The following CDC42SE2 variants were observed in gnomAD, a reference collection of about 807,000 sequenced individuals.
CDC42SE2 encodes CDC42 small effector 2.
CDC42SE2 carries 3 observed loss-of-function variants against 11.5 expected under a neutral mutation model. The observed-to-expected ratio is 0.26, with a 90% CI of 0.12 to 0.67. The LOEUF (loss-of-function observed/expected upper bound fraction) is 0.67, where lower values mean the gene tolerates loss of function less well. Ranked by LOEUF, CDC42SE2 falls within the 30% of genes least tolerant of loss-of-function variation. The pLI is 0.80. For missense variants in CDC42SE2, 82 were observed against 106.8 expected (o/e 0.77, Z 1.02); for synonymous variants, 33 against 34.8 (o/e 0.95, Z 0.18).
In CDC42SE2 at chr5:131,248,328, C is replaced by G. The variant is rs530252440; in HGVS notation, n.107+2729C>G. Among the ~76,000 whole-genome samples, 264 of 151,964 alleles carry G rather than the reference C, an allele frequency of 1.7e-3. 2 individuals are homozygous for G. Among genetic ancestry groups the G allele is most frequent in the Middle Eastern group, 6.8e-3 (2 of 294 alleles). On this transcript the variant is annotated intron_variant and non_coding_transcript_variant, in intron 1 of 3. Transcript: ENST00000502840. ...CTAATTTTTGTATTTTTAGTAGAGA[C>G]GGGGTTTCACCGTGTTGGTCAGGCT...
intron 1 of CDC42SE2, among the ~76,000 whole-genome samples, chr5:131,312,673 A>C (rs886626897): frequency 2.6e-5 from 4 of 152,084 alleles, no homozygotes; most frequent in Admixed American, 2.0e-4. Flanking sequence ...TCGGAAAAGC[A>C]CAGTATTTGG....
chr5:131,297,516 G>C (rs967971839), intron 1 of CDC42SE2, among the ~76,000 whole-genome samples: 1 of 151,890 alleles, frequency 6.6e-6, no homozygotes, highest in East Asian at 1.9e-4. Context: ...TCAGGAGATC[G>C]AGACCATCCT....
chr5:131,346,889 G>A (rs1758859125), intron 2 of CDC42SE2, among the ~76,000 whole-genome samples: 1 of 146,000 alleles, frequency 6.8e-6, no homozygotes, highest in Non-Finnish European at 1.5e-5. Flanking sequence ...TGAACAACCT[G>A]CTCCTGAATG....
At chr5:131,251,168 T>C (rs539776061) in intron 1 of CDC42SE2, among the ~76,000 whole-genome samples, 2 of 152,368 alleles carry the variant, frequency 1.3e-5, no homozygotes, top group African/African-American at 4.8e-5. Context: ...TTTGTGTATC[T>C]GTTTTATTCA....
At position 131,269,007 on chromosome 5, in the gene CDC42SE2, C is replaced by A. The variant is rs7717085; in HGVS notation, c.-455+4841C>A. On this transcript the variant is annotated intron_variant, in intron 1 of 4. Coordinates refer to ENST00000505065, the MANE Select transcript of CDC42SE2 (RefSeq NM_001375635.1). ...CTCGTGATCCGCCCACCTTGGCCTT[C>A]CAAAGTGCTGGTATTACAAGCGTGA... Among the ~76,000 whole-genome samples the A allele has an allele frequency of 4.9e-3, 740 of 152,220 alleles. 4 individuals are homozygous for A. Among genetic ancestry groups the A allele is most frequent in the African/African-American group, 0.016 (678 of 41,524 alleles).
At chr5:131,358,175 C>T (rs923184045) in intron 2 of CDC42SE2, among the ~76,000 whole-genome samples, 1 of 152,166 alleles carries the variant, frequency 6.6e-6, no homozygotes, top group African/African-American at 2.4e-5. Flanking sequence ...CAAAACTTCT[C>T]CTTGGCTTCA....
intron 2 of CDC42SE2, among the ~76,000 whole-genome samples, chr5:131,319,203 A>G (rs1758110011): frequency 6.6e-6 from 1 of 152,002 alleles, no homozygotes; most frequent in African/African-American, 2.4e-5. Flanking sequence ...GGTAGGAGAA[A>G]GGTCGATATG....
intron 1 of CDC42SE2, among the ~76,000 whole-genome samples, chr5:131,273,705 G>A (rs1171767348): frequency 2.6e-5 from 4 of 151,258 alleles, no homozygotes; most frequent in African/African-American, 4.8e-5. Context: ...CCCAGGAGGC[G>A]GAGCTTGCAG....
At chr5:131,269,064 A>T (rs1756938598) in intron 1 of CDC42SE2, among the ~76,000 whole-genome samples, 1 of 152,016 alleles carries the variant, frequency 6.6e-6, no homozygotes, top group Non-Finnish European at 1.5e-5. Context: ...TTTAGCTTTT[A>T]AATTATTAGT....
At chr5:131,306,604 T>C (rs1757783319) in intron 1 of CDC42SE2, among the ~76,000 whole-genome samples, 1 of 152,218 alleles carries the variant, frequency 6.6e-6, no homozygotes, top group South Asian at 2.1e-4. Flanking sequence ...AATTTTAGGA[T>C]TATTTTTTCT....
At chr5:131,365,562 AT>A (rs1435909808) in intron 3 of CDC42SE2, among the ~76,000 whole-genome samples, 4 of 152,160 alleles carry the variant, frequency 2.6e-5, no homozygotes, top group African/African-American at 7.2e-5. Flanking sequence ...AAAAGTGTCA[AT>A]TTTTTTCCTT....
chr5:131,225,647 C>T, the CDC42SE2 span, among the ~76,000 whole-genome samples: 1 of 152,144 alleles, frequency 6.6e-6, no homozygotes, highest in East Asian at 1.9e-4. Context: ...TGCCCTACTT[C>T]CCTGCCTGAG....
chr5:131,224,815 G>A, the CDC42SE2 span, among the ~76,000 whole-genome samples: 1 of 151,818 alleles, frequency 6.6e-6, no homozygotes, highest in South Asian at 2.1e-4. Flanking sequence ...GGTGACCGCA[G>A]CAGATGCAGG....
intron 1 of CDC42SE2, among the ~76,000 whole-genome samples, chr5:131,312,991 T>C (rs1175696173): frequency 1.4e-5 from 2 of 147,076 alleles, no homozygotes; most frequent in Non-Finnish European, 3.0e-5. Context: ...TTTCTTTTCT[T>C]TTTTTTTTTT....
At chr5:131,219,671 C>T in the CDC42SE2 span, among the ~76,000 whole-genome samples, 11,431 of 152,208 alleles carry the variant, frequency 0.075, 902 homozygotes, top group African/African-American at 0.2. Flanking sequence ...GCATGGTGGC[C>T]CATTCCTATA....
chr5:131,386,048 T>C (rs1750473267), intron 4 of CDC42SE2, among the ~76,000 whole-genome samples: 1 of 152,218 alleles, frequency 6.6e-6, no homozygotes. Flanking sequence ...TGCACACATT[T>C]TTATTGCTTT....
chr5:131,305,956 T>A (rs1421011124), intron 1 of CDC42SE2, among the ~76,000 whole-genome samples: 2 of 152,222 alleles, frequency 1.3e-5, no homozygotes, highest in Non-Finnish European at 2.9e-5. Context: ...ATGGTCCACT[T>A]TTATTCTTTT....
chr5:131,342,278 CAAAAA>C, intron 2 of CDC42SE2, among the ~76,000 whole-genome samples: 1 of 122,868 alleles, frequency 8.1e-6, no homozygotes, highest in Non-Finnish European at 1.7e-5. Flanking sequence ...GACTCCTTCT[CAAAAA>C]AAAAAAAAAA....
intron 1 of CDC42SE2, among the ~76,000 whole-genome samples, chr5:131,311,114 G>C (rs1580746471): frequency 1.3e-5 from 2 of 151,934 alleles, no homozygotes; most frequent in Admixed American, 6.6e-5. Flanking sequence ...GCTTCCTTCA[G>C]GAGCTCTTTT....
Sources: allele counts gnomAD v4.1 joint callset (sites outside exome capture counted in the v4.1 genomes callset), GRCh38; gene constraint gnomAD v4.1.1; transcripts MANE v1.5; gene names NCBI Gene and HGNC (gene_info 2026-07-23, HGNC 2026-07-21).